Variants in UNC13A observed in about 807,000 individuals in gnomAD.
UNC13A encodes the protein protein unc-13 homolog A.
In UNC13A, 61 loss-of-function variants were observed where a neutral mutation model predicts 219.7. That is an observed-to-expected ratio of 0.28 (90% CI 0.23 to 0.34). The LOEUF is 0.34. Ranked by LOEUF, UNC13A falls within the 10% of genes least tolerant of loss-of-function variation. The pLI is 1.00. For missense variants in UNC13A, 1,476 were observed against 2,270.3 expected, an observed-to-expected ratio of 0.65 and a Z score of 7.11; for synonymous variants, 920 against 884.6, an observed-to-expected ratio of 1.04 and a Z score of -0.71.
Position 17,672,364 on chromosome 19 carries a change from C to T in UNC13A, c.270+14G>A, listed in dbSNP as rs781032416. The T allele has an allele frequency of 1.2e-6, 2 of 1,611,314 alleles. No individual in the cohort carries two copies. Among genetic ancestry groups the T allele is most frequent in the Non-Finnish European group, 1.7e-6 (2 of 1,178,270 alleles). On this transcript the variant is annotated intron_variant, in intron 4 of 43. Coordinates refer to ENST00000519716, the MANE Select transcript of UNC13A (RefSeq NM_001080421.3). The stretch of plus-strand genomic sequence containing the variant: ...CACTCCTCCTTCTTCACCCTCAGGC[C>T]ACCCGCCACTCACCTCATTGGACTG...
chr19:17,638,695 G>C (rs932924260), intron 25 of UNC13A, among the ~76,000 whole-genome samples: 3 of 151,888 alleles, frequency 2.0e-5, no homozygotes, highest in Non-Finnish European at 2.9e-5. Context: ...TAGGTGTGGT[G>C]GTGGGCACCT....
chr19:17,662,113 C>A (rs538477532), intron 8 of UNC13A, among the ~76,000 whole-genome samples: 1 of 151,922 alleles, frequency 6.6e-6, no homozygotes, highest in South Asian at 2.1e-4. Context: ...CATGGTGGCA[C>A]GCGCCTGTAA....
At chr19:17,608,438 A>G (rs1368375611) in intron 43 of UNC13A, among the ~76,000 whole-genome samples, 2 of 139,240 alleles carry the variant, frequency 1.4e-5, no homozygotes, top group African/African-American at 5.3e-5. Flanking sequence ...ATATATATTT[A>G]TTATATATTA....
At chr19:17,663,420 C>T (rs1599395144) in intron 8 of UNC13A, 112 bp downstream of exon 8, 1 of 1,257,294 alleles carries the variant, frequency 8.0e-7, no homozygotes, top group Non-Finnish European at 1.1e-6. Context: ...CCCCCACGTG[C>T]TCGTCACAGG....
chr19:17,684,191 TG>T (rs2080068738), intron 1 of UNC13A, among the ~76,000 whole-genome samples: 1 of 152,200 alleles, frequency 6.6e-6, no homozygotes, highest in Admixed American at 6.6e-5. Flanking sequence ...ACCATGCTTT[TG>T]CTCATGCTGT....
chr19:17,602,295 A>C lies in UNC13A; in HGVS notation c.*3759T>G, dbSNP rs2076473166. 1 of 150,450 alleles carries C rather than the reference A, an allele frequency of 6.6e-6. No homozygotes were observed. Among genetic ancestry groups the C allele is most frequent in the Admixed American group, 6.6e-5 (1 of 15,106 alleles). The allele number at this position is 150,450 out of a possible 1,614,324, so 9.3% of individuals were successfully genotyped here. A position where few individuals can be genotyped will look rare whatever the true frequency, so the allele number is the denominator to read the frequency against. ...CATTTATCTTTCTCTGTATATTTCCACCTCTATGTCTCTCTCCATCTCTGT... is the reference window on the plus strand; with the variant it reads ...CATTTATCTTTCTCTGTATATTTCCCCCTCTATGTCTCTCTCCATCTCTGT... On this transcript the variant is annotated 3_prime_UTR_variant, in exon 44 of 44. Coordinates refer to ENST00000519716, the MANE Select transcript of UNC13A (RefSeq NM_001080421.3).
intron 6 of UNC13A, 48 bp downstream of exon 6, chr19:17,668,069 A>G: frequency 6.3e-7 from 1 of 1,581,964 alleles, no homozygotes; most frequent in Non-Finnish European, 8.7e-7. Context: ...ATGGGGAGAC[A>G]GAGACAGAAA....
chr19:17,603,504 C>G lies in UNC13A; in HGVS notation c.*2550G>C, dbSNP rs2076488638. ...AACAGTCACATAAGCTTATCCCTGG[C>G]TACAACTTCCCAACCCTGTATGAGA... On this transcript the variant is annotated 3_prime_UTR_variant, in exon 44 of 44. Transcript: ENST00000519716. 6.6e-6 allele frequency: 1 copy of G among 152,266 alleles called. No individual in the cohort carries two copies. Among genetic ancestry groups the G allele is most frequent in the Non-Finnish European group, 1.5e-5 (1 of 68,070 alleles). The allele number at this position is 152,266 out of a possible 1,614,324, so 9.4% of individuals were successfully genotyped here.
intron 31 of UNC13A, 98 bp from the exon 32 acceptor site, chr19:17,628,038 G>A (rs923689325): frequency 5.2e-5 from 64 of 1,234,584 alleles, no homozygotes; most frequent in Non-Finnish European, 6.8e-5. Context: ...TCAGGGTCTG[G>A]GTCTGGAGGA....
intron 40 of UNC13A, 50 bp downstream of exon 40, chr19:17,618,371 C>T (rs2076691098): frequency 1.3e-6 from 2 of 1,543,282 alleles, no homozygotes; most frequent in Admixed American, 2.0e-5. Context: ...CCACAGCAGC[C>T]ACACCCTCTA....
At chr19:17,621,763 CGCACACACAT>C in intron 37 of UNC13A, 59 bp downstream of exon 37, 3 of 1,550,548 alleles carry the variant, frequency 1.9e-6, no homozygotes, top group Non-Finnish European at 2.7e-6. Context: ...GGTGCACAGA[CGCACACACAT>C]GCACACACAT....
intron 9 of UNC13A, 76 bp from the exon 10 acceptor site, chr19:17,656,474 G>C (rs1765816782): frequency 7.3e-7 from 1 of 1,367,386 alleles, no homozygotes; most frequent in African/African-American, 1.5e-5. Flanking sequence ...CACAGGCATT[G>C]ACTCATCACC....
At chr19:17,673,357 C>A (rs1204624747) in intron 3 of UNC13A, among the ~76,000 whole-genome samples, 223 of 102,538 alleles carry the variant, frequency 2.2e-3, no homozygotes, top group African/African-American at 2.3e-3. Flanking sequence ...AACTCAGTCT[C>A]AAAAAAAAAA....
At chr19:17,659,587 G>A (rs1473395933) in intron 8 of UNC13A, among the ~76,000 whole-genome samples, 1 of 152,168 alleles carries the variant, frequency 6.6e-6, no homozygotes, top group Non-Finnish European at 1.5e-5. Flanking sequence ...GGGCAACATA[G>A]TAAGGCCCCA....
intron 11 of UNC13A, among the ~76,000 whole-genome samples, chr19:17,654,832 C>CCATGGTTTCATAA (rs1195651470): frequency 1.3e-5 from 2 of 152,190 alleles, no homozygotes; most frequent in African/African-American, 4.8e-5. Context: ...ATGACTTCAG[C>CCATGGTTTCATAA]CCAGTTTCAG....
chr19:17,639,141 T>C lies in UNC13A; in HGVS notation c.3023A>G (p.Tyr1008Cys). The C allele has an allele frequency of 6.2e-7, 1 of 1,613,836 alleles. No homozygotes were observed. Among genetic ancestry groups the C allele is most frequent in the Non-Finnish European group, 8.5e-7 (1 of 1,179,866 alleles). Residue 1008 changes from tyrosine to cysteine, a missense_variant, in exon 25 of 44, where the codon TAC (tyrosine) becomes TGC (cysteine). By Grantham distance (194) the Tyr-to-Cys change is radical (BLOSUM62 -2). This residue lies in a region of UNC13A where 140 missense variants were observed against 270.9 expected (regional missense o/e 0.52). Transcript: ENST00000519716. Reference protein sequence around the residue: ...DCVKACLNSTYEYIFNNCHEL... With the variant: ...DCVKACLNSTCEYIFNNCHEL... ...ATGGCAGTTATTGAAGATGTACTCG[T>C]AGGTAGAATTAAGGCAGGCTTTCAC...
chr19:17,606,805 C>A (rs557446024), intron 43 of UNC13A, among the ~76,000 whole-genome samples: 1 of 151,656 alleles, frequency 6.6e-6, no homozygotes, highest in African/African-American at 2.4e-5. Flanking sequence ...CCCAGCCCCC[C>A]ACACCCCCAG....
intron 1 of UNC13A, among the ~76,000 whole-genome samples, chr19:17,680,889 C>CTG (rs2079998604): frequency 2.1e-5 from 1 of 48,696 alleles, no homozygotes; most frequent in Non-Finnish European, 3.7e-5. Context: ...CTTTTCTTTT[C>CTG]TTTTTTTTTT....
At chr19:17,633,343 A>C in intron 26 of UNC13A, 150 bp from the exon 27 acceptor site, 1 of 653,992 alleles carries the variant, frequency 1.5e-6, no homozygotes, top group Non-Finnish European at 2.6e-6. Context: ...CTGACTCTGC[A>C]CTAAGGCTTT....
Sources: allele counts gnomAD v4.1 joint callset (sites outside exome capture counted in the v4.1 genomes callset), GRCh38; gene constraint gnomAD v4.1.1; regional missense constraint gnomAD v4.1.1; transcripts MANE v1.5; gene names NCBI Gene and HGNC (gene_info 2026-07-23, HGNC 2026-07-21).